The following ST6GALNAC3 variants were observed in gnomAD, a reference collection of about 807,000 sequenced individuals.
ST6GALNAC3 encodes ST6 N-acetylgalactosaminide alpha-2,6-sialyltransferase 3.
Under a neutral mutation model 32.7 loss-of-function variants are expected in ST6GALNAC3, and 25 were observed. The observed-to-expected ratio is 0.76, with a 90% CI of 0.56 to 1.07. The LOEUF (loss-of-function observed/expected upper bound fraction) is 1.07. ST6GALNAC3 is among the 50% of genes least tolerant of loss of function. The probability of loss-of-function intolerance (pLI) is 0.00; values close to 1 mark genes in which losing one functional copy is unlikely to be tolerated. For missense variants in ST6GALNAC3, 355 were observed against 382.4 expected (o/e 0.93, Z 0.60); for synonymous variants, 129 against 133.1 (o/e 0.97, Z 0.21).
At chr1:76,528,871 T>C (rs1039045842) in intron 3 of ST6GALNAC3, among the ~76,000 whole-genome samples, 1 of 150,276 alleles carries the variant, frequency 6.7e-6, no homozygotes, top group African/African-American at 2.5e-5. Context: ...TATTAATATA[T>C]TGAACATGAC....
At chr1:76,225,634 G>A (rs910952645) in intron 1 of ST6GALNAC3, among the ~76,000 whole-genome samples, 55 of 152,230 alleles carry the variant, frequency 3.6e-4, no homozygotes, top group Non-Finnish European at 2.6e-4. Context: ...GAGAGCCTAG[G>A]TAATGTTCTC....
At chr1:76,405,147 T>C (rs986544431) in intron 2 of ST6GALNAC3, among the ~76,000 whole-genome samples, 3 of 152,086 alleles carry the variant, frequency 2.0e-5, no homozygotes, top group African/African-American at 7.2e-5. Flanking sequence ...TTTACTTGAA[T>C]TTTGGGTGAC....
chr1:76,443,089 C>T (rs1437204536), intron 3 of ST6GALNAC3, among the ~76,000 whole-genome samples: 1 of 152,150 alleles, frequency 6.6e-6, no homozygotes, highest in East Asian at 1.9e-4. Context: ...GGGAGGAGCA[C>T]CAAACTTGGT....
intron 2 of ST6GALNAC3, among the ~76,000 whole-genome samples, chr1:76,386,564 C>G (rs1409498077): frequency 1.3e-5 from 2 of 152,062 alleles, no homozygotes; most frequent in African/African-American, 4.8e-5. Context: ...TCCTGACAAC[C>G]CTGAGAGCTT....
intron 3 of ST6GALNAC3, among the ~76,000 whole-genome samples, chr1:76,453,965 T>C (rs1324126672): frequency 1.3e-5 from 2 of 152,182 alleles, no homozygotes; most frequent in Non-Finnish European, 2.9e-5. Flanking sequence ...AGCTCCAGTG[T>C]CAGATGCATA....
chr1:76,497,173 A>T (rs1035933355), intron 3 of ST6GALNAC3, among the ~76,000 whole-genome samples: 3 of 152,110 alleles, frequency 2.0e-5, no homozygotes, highest in Admixed American at 1.3e-4. Flanking sequence ...GTGGGAGGAA[A>T]TGTAGAATCA....
chr1:76,447,375 A>G (rs2101537623), intron 3 of ST6GALNAC3, among the ~76,000 whole-genome samples: 1 of 152,330 alleles, frequency 6.6e-6, no homozygotes, highest in African/African-American at 2.4e-5. Flanking sequence ...CATTTTTAAA[A>G]GGGAAACAGC....
chr1:76,376,047 T>G (rs1047746255), intron 2 of ST6GALNAC3, among the ~76,000 whole-genome samples: 8 of 151,986 alleles, frequency 5.3e-5, no homozygotes, highest in African/African-American at 1.9e-4. Flanking sequence ...ATTGGAAGAC[T>G]AGGTAGATGC....
At chr1:76,391,836 T>C (rs2101157909) in intron 2 of ST6GALNAC3, among the ~76,000 whole-genome samples, 1 of 152,330 alleles carries the variant, frequency 6.6e-6, no homozygotes, top group Non-Finnish European at 1.5e-5. Flanking sequence ...TTGACCTACA[T>C]TTAGTACAAT....
chr1:76,173,188 T>C (rs950317045), intron 1 of ST6GALNAC3, among the ~76,000 whole-genome samples: 4 of 152,172 alleles, frequency 2.6e-5, no homozygotes, highest in African/African-American at 9.7e-5. Flanking sequence ...ACCACACATC[T>C]ACAACCATCT....
At chr1:76,331,974 G>C (rs576741775) in intron 2 of ST6GALNAC3, among the ~76,000 whole-genome samples, 1 of 152,280 alleles carries the variant, frequency 6.6e-6, no homozygotes, top group South Asian at 2.1e-4. Flanking sequence ...AAGATTGATT[G>C]GAACACAAGG....
intron 3 of ST6GALNAC3, among the ~76,000 whole-genome samples, chr1:76,481,739 G>A (rs914034806): frequency 1.3e-5 from 2 of 152,152 alleles, no homozygotes; most frequent in African/African-American, 2.4e-5. Context: ...GCATTTTAAA[G>A]TGTATTGTGT....
At chr1:76,092,486 T>C (rs1415188043) in intron 1 of ST6GALNAC3, among the ~76,000 whole-genome samples, 2 of 90,772 alleles carry the variant, frequency 2.2e-5, no homozygotes, top group Non-Finnish European at 3.1e-5. Context: ...TAGAAGCAAT[T>C]TTTATGGGAG....
At chr1:76,113,355 G>A (rs1393365575) in intron 1 of ST6GALNAC3, among the ~76,000 whole-genome samples, 1 of 147,396 alleles carries the variant, frequency 6.8e-6, no homozygotes, top group African/African-American at 2.5e-5. Flanking sequence ...AGGGGGAGGG[G>A]GAGGGGGAGG....
intron 1 of ST6GALNAC3, among the ~76,000 whole-genome samples, chr1:76,169,487 T>C (rs1045927448): frequency 2.0e-5 from 3 of 152,208 alleles, no homozygotes; most frequent in African/African-American, 7.2e-5. Context: ...TTTTCTGAAT[T>C]TGAATGTTGC....
At chr1:76,349,808 C>G (rs1241567905) in intron 2 of ST6GALNAC3, among the ~76,000 whole-genome samples, 2 of 152,158 alleles carry the variant, frequency 1.3e-5, no homozygotes, top group Non-Finnish European at 2.9e-5. Context: ...TCTGTTGTTT[C>G]TCTTTCTAGG....
chr1:76,614,818 G>T (rs566377497), intron 3 of ST6GALNAC3, among the ~76,000 whole-genome samples: 8 of 150,226 alleles, frequency 5.3e-5, no homozygotes, highest in African/African-American at 1.7e-4. Context: ...ATTACCGGTA[G>T]CAATGGTGGA....
chr1:76,257,151 C>T (rs1334323368), intron 1 of ST6GALNAC3, among the ~76,000 whole-genome samples: 2 of 152,128 alleles, frequency 1.3e-5, no homozygotes, highest in Admixed American at 1.3e-4. Flanking sequence ...GTTTAATCCC[C>T]AAATTTCTAA....
intron 1 of ST6GALNAC3, among the ~76,000 whole-genome samples, chr1:76,141,265 C>G (rs1384704445): frequency 6.6e-6 from 1 of 152,146 alleles, no homozygotes; most frequent in African/African-American, 2.4e-5. Flanking sequence ...TTAGAACTAT[C>G]TCCATTTCCA....
Sources: gnomAD v4.1 joint callset for allele counts (sites outside exome capture counted in the v4.1 genomes callset) on GRCh38, gnomAD v4.1.1 for gene constraint, MANE v1.5 for transcripts, NCBI Gene and HGNC (gene_info 2026-07-23, HGNC 2026-07-21) for gene names.